Variants in PRKAG3 observed in about 807,000 individuals in gnomAD.
The protein encoded by PRKAG3 is 5'-AMP-activated protein kinase subunit gamma-3.
PRKAG3 carries 39 observed loss-of-function variants against 56.5 expected under a neutral mutation model. The ratio of observed to expected loss-of-function variants is 0.69; its 90% CI spans 0.53 to 0.90. The LOEUF (loss-of-function observed/expected upper bound fraction) is 0.90. Among genes scored for constraint, PRKAG3 ranks in the 40% least tolerant of loss-of-function variants. The pLI is 0.00. For missense variants in PRKAG3, 628 were observed against 627.5 expected (o/e 1.00, Z -0.01); for synonymous variants, 243 against 250.1 (o/e 0.97, Z 0.27).
At chr2:218,829,919 C>T (rs977042844) in intron 4 of PRKAG3, 59 bp downstream of exon 4, 50 of 1,539,062 alleles carry the variant, frequency 3.2e-5, no homozygotes, top group South Asian at 5.9e-5. Flanking sequence ...GTGGGAGTGG[C>T]GGCTGCAGCA....
At chr2:218,831,753 C>T (rs776201901) in exon 1 of PRKAG3, 26 of 1,610,738 alleles carry the variant, frequency 1.6e-5, no homozygotes, top group Non-Finnish European at 2.1e-5. Context: ...GCAGTGCGTG[C>T]TCCAGCCCGG....
At chr2:218,822,916 C>T (rs1446816140), downstream of PRKAG3, 1 of 985,426 alleles carries the variant, frequency 1.0e-6, no homozygotes, top group Admixed American at 6.2e-5. Flanking sequence ...GGGCATGGAG[C>T]ACAGATGGCC....
In PRKAG3 at chr2:218,827,785, T is replaced by C. The variant is rs1943956681; in HGVS notation, c.820+48A>G. The C allele has an allele frequency of 1.3e-6, 2 of 1,544,802 alleles. No individual in the cohort carries two copies. The highest frequency in any genetic ancestry group is 1.7e-5 in the African/African-American group (1 of 57,220). ...ACTGCCCATCCTCCACCTTAAGCCC[T>C]GGCCCACCATCACCAACAGCCCTTT... On this transcript the variant is annotated intron_variant, in intron 7 of 12. Transcript: ENST00000529249. This position sits in a 1 kb window ranked among gnomAD's most constrained non-coding sequence, Gnocchi z 5.3.
intron 10 of PRKAG3, 37 bp from the exon 11 acceptor site, chr2:218,824,613 A>G (rs559805686): frequency 2.5e-6 from 4 of 1,575,408 alleles, no homozygotes; most frequent in Non-Finnish European, 3.5e-6. Context: ...GGGGAGAAAG[A>G]CAGGGAAGAG....
Position 218,827,334 on chromosome 2 carries a change from G to T in PRKAG3, c.915C>A (p.Ile305=). ...CCGGGTCAAGAACAGGCAGGCGATG[G>T]ATCCGGTTCTTGATGAGGGTGTAGA... The change falls in exon 9 of 13, where the codon ATC becomes ATA. Residue 305 remains isoleucine (I), a synonymous_variant. Coordinates refer to ENST00000529249, the Ensembl canonical transcript of PRKAG3. The surrounding 1 kb of genome is among the most constrained non-coding windows in gnomAD (Gnocchi z 5.3). 1 of 1,614,200 alleles carries T rather than the reference G, an allele frequency of 6.2e-7. No individual in the cohort carries two copies. The highest frequency in any genetic ancestry group is 8.5e-7 in the Non-Finnish European group (1 of 1,180,030).
At position 218,827,471 on chromosome 2, in the gene PRKAG3, G is replaced by A. The variant is rs983456612; in HGVS notation, c.876-98C>T. On this transcript the variant is annotated intron_variant, in intron 8 of 12. Coordinates refer to ENST00000529249, the Ensembl canonical transcript of PRKAG3. This position sits in a 1 kb window ranked among gnomAD's most constrained non-coding sequence, Gnocchi z 5.3. ...GAGGGCAGGGCACCAAGGCTCCCTT[G>A]TCTGTGTGCCGCCTAGGATGAAGAG... 1 of 1,603,112 alleles carries A rather than the reference G, an allele frequency of 6.2e-7. No individual in the cohort carries two copies. The highest frequency in any genetic ancestry group is 1.3e-5 in the African/African-American group (1 of 74,730).
chr2:218,824,679 T>C, intron 10 of PRKAG3, 103 bp from the exon 11 acceptor site: 3 of 1,042,944 alleles, frequency 2.9e-6, no homozygotes, highest in Non-Finnish European at 3.0e-6. Flanking sequence ...TGCATCAGGG[T>C]GCCACTACCA....
downstream of PRKAG3, chr2:218,823,176 T>C (rs1347461924): frequency 1.8e-6 from 1 of 564,818 alleles, no homozygotes; most frequent in Non-Finnish European, 2.3e-6. Context: ...ATGGAATCTG[T>C]GCCCATCCTC....
At position 218,828,612 on chromosome 2, in the gene PRKAG3, G is replaced by C. The variant is rs766821554; in HGVS notation, c.634-12C>G. 27 of 1,611,084 alleles carry C rather than the reference G, an allele frequency of 1.7e-5. No homozygotes were observed. Among genetic ancestry groups the C allele is most frequent in the Non-Finnish European group, 2.1e-5 (25 of 1,178,484 alleles). On this transcript the variant is annotated splice_polypyrimidine_tract_variant and intron_variant, in intron 4 of 12. Transcript: ENST00000529249. ...AAGGCCTTCTTGATCTGAGGGGCCAGGGAGAACAGTCAAGGGTGGGTCCCG... is the reference window on the plus strand; with the variant it reads ...AAGGCCTTCTTGATCTGAGGGGCCACGGAGAACAGTCAAGGGTGGGTCCCG...
chr2:218,823,140 G>A, downstream of PRKAG3: 1 of 849,280 alleles, frequency 1.2e-6, no homozygotes, highest in Non-Finnish European at 1.4e-6. Flanking sequence ...TTCCAACAGG[G>A]GACCCTTGCC....
At chr2:218,828,361 C>T (rs1943968321) in intron 5 of PRKAG3, among the ~76,000 whole-genome samples, 158 bp downstream of exon 5, 2 of 152,224 alleles carry the variant, frequency 1.3e-5, no homozygotes, top group Admixed American at 1.3e-4. Context: ...TCCCAGCTGG[C>T]CATGCAGACT....
downstream of PRKAG3, chr2:218,822,994 A>T (rs533686984): frequency 3.6e-5 from 35 of 984,692 alleles, no homozygotes; most frequent in Middle Eastern, 5.2e-4. Context: ...CCTTAATTTC[A>T]TCATCCCATG....
At chr2:218,828,461 G>A (rs1184689893) in intron 5 of PRKAG3, 58 bp downstream of exon 5, 10 of 1,500,514 alleles carry the variant, frequency 6.7e-6, no homozygotes, top group African/African-American at 1.4e-5. Context: ...CAGAACAACC[G>A]TACAAGATCT....
rs1575209995 is a variant in PRKAG3, at chr2:218,823,881, G to A, written c.1354-3C>T. On this transcript the variant is annotated splice_region_variant and splice_polypyrimidine_tract_variant and intron_variant, in intron 12 of 12. Transcript: ENST00000529249. ...TCCACTAGCACCAGCCTGTGTACCT[G>A]TGGGTCCGCAATGTTCAGTGAGGGG... is the stretch of plus-strand genomic sequence containing the variant. The A allele has an allele frequency of 6.2e-7, 1 of 1,613,664 alleles. No individual in the cohort carries two copies. The highest frequency in any genetic ancestry group is 1.3e-5 in the African/African-American group (1 of 75,040).
chr2:218,824,170 GAGA>G, intron 12 of PRKAG3, 49 bp downstream of exon 12: 1 of 1,613,590 alleles, frequency 6.2e-7, no homozygotes, highest in Non-Finnish European at 8.5e-7. Flanking sequence ...AGCCGTGCAT[GAGA>G]AGGACTGGGC....
chr2:218,828,022 GC>G lies in PRKAG3; in HGVS notation c.755del (p.Arg252ProfsTer118). ...TCCTCACCAGGGGGGACCTGTAGTA[GC>G]GATGCAGCACCAGGATGAAGTCAGT... On this transcript the variant is annotated frameshift_variant, in exon 6 of 13. Transcript: ENST00000529249. LOFTEE classifies it high-confidence loss of function. 6.4e-7 allele frequency: 1 copy of G among 1,570,146 alleles called. No individual in the cohort carries two copies. The highest frequency in any genetic ancestry group is 1.9e-5 in the Admixed American group (1 of 52,998).
At chr2:218,831,102 AG>A (rs1412036352) in intron 2 of PRKAG3, among the ~76,000 whole-genome samples, 1 of 152,186 alleles carries the variant, frequency 6.6e-6, no homozygotes, top group Non-Finnish European at 1.5e-5. Flanking sequence ...AAATTCAGAG[AG>A]GTTAAGCAAT....
intron 12 of PRKAG3, among the ~76,000 whole-genome samples, 160 bp from the exon 13 acceptor site, chr2:218,824,038 T>C (rs1156981346): frequency 6.6e-6 from 1 of 152,110 alleles, no homozygotes; most frequent in East Asian, 1.9e-4. Context: ...AGGTGATCAG[T>C]TGGCAGTGAC....
chr2:218,829,954 G>A (rs373602025), intron 4 of PRKAG3, 24 bp downstream of exon 4: 1 of 1,608,360 alleles, frequency 6.2e-7, no homozygotes, highest in Non-Finnish European at 8.5e-7. Context: ...AGTGAGTACA[G>A]GTTGGGCAGA....
Sources: allele counts gnomAD v4.1 joint callset (sites outside exome capture counted in the v4.1 genomes callset), GRCh38; gene constraint gnomAD v4.1.1; non-coding constraint Gnocchi (gnomAD v3.1); transcripts MANE v1.5; gene names NCBI Gene and HGNC (gene_info 2026-07-23, HGNC 2026-07-21).